PNLIPRP1: variants seen among roughly 807,000 people sequenced by gnomAD.
The protein encoded by PNLIPRP1 is pancreatic lipase related protein 1, also known as inactive pancreatic lipase-related protein 1.
Under a neutral mutation model 54.6 loss-of-function variants are expected in PNLIPRP1, and 57 were observed. The observed-to-expected ratio is 1.04, with a 90% CI of 0.84 to 1.30. PNLIPRP1 has a LOEUF of 1.30. Among genes scored for constraint, PNLIPRP1 ranks in the 50% most tolerant of loss-of-function variants. The pLI, the probability that PNLIPRP1 is intolerant of heterozygous loss-of-function variation, is 0.00. For synonymous variants in PNLIPRP1, 232 were observed against 208.8 expected (o/e 1.11, Z -0.96); for missense variants, 567 against 568.5 (o/e 1.00, Z 0.03).
At chr10:116,601,837 T>A (rs962152340) in intron 10 of PNLIPRP1, among the ~76,000 whole-genome samples, 3 of 152,254 alleles carry the variant, frequency 2.0e-5, no homozygotes, top group African/African-American at 7.2e-5. Context: ...CATATTCATA[T>A]AAATGTATAA....
chr10:116,590,959 G>A lies in PNLIPRP1; in HGVS notation c.-37G>A, dbSNP rs1847624666. ...TATTTTTAGAAAGGGCTGGACACTC[G>A]ATCCGGTGGGAGGGAACATCTGGAA... On this transcript the variant is annotated 5_prime_UTR_variant, in exon 1 of 13. Coordinates refer to ENST00000358834, the MANE Select transcript of PNLIPRP1 (RefSeq NM_006229.4). The A allele has an allele frequency of 1.0e-5, 6 of 587,510 alleles. No individual in the cohort carries two copies. Among genetic ancestry groups the A allele is most frequent in the Admixed American group, 2.9e-5 (1 of 34,748 alleles). The allele number at this position is 587,510 out of a possible 1,614,324, so 36.4% of individuals were successfully genotyped here. A position where few individuals can be genotyped will look rare whatever the true frequency, so the allele number is the denominator to read the frequency against.
At chr10:116,591,246 G>C in intron 2 of PNLIPRP1, 68 bp downstream of exon 2, 1 of 1,300,152 alleles carries the variant, frequency 7.7e-7, no homozygotes, top group South Asian at 1.2e-5. Flanking sequence ...GCCAGAGAAA[G>C]CTTTAACTGT....
intron 4 of PNLIPRP1, among the ~76,000 whole-genome samples, chr10:116,593,593 G>A (rs1554863538): frequency 2.0e-5 from 3 of 152,220 alleles, no homozygotes; most frequent in African/African-American, 7.2e-5. Context: ...TCATTAATAA[G>A]CATCTTATTG....
At position 116,592,501 on chromosome 10, in the gene PNLIPRP1, T is replaced by C. The variant is rs782035836; in HGVS notation, c.290T>C (p.Ile97Thr). 6.8e-6 allele frequency: 11 copies of C among 1,614,022 alleles called. No individual in the cohort carries two copies. The highest frequency in any genetic ancestry group is 3.3e-5 in the Admixed American group (2 of 60,002). The change falls in exon 4 of 13, where the codon ATA (isoleucine) becomes ACA (threonine). Residue 97 changes from isoleucine to threonine, a missense_variant. Physicochemically the swap from Ile to Thr is moderately conservative, Grantham distance 89. Transcript: ENST00000358834. ...RKTRFIIHGF[I>T]DKGDESWVTD... ...ACCCGGTTCATCATCCATGGCTTCATAGACAAAGGAGATGAGAGCTGGGTG... is the reference window on the plus strand; with the variant it reads ...ACCCGGTTCATCATCCATGGCTTCACAGACAAAGGAGATGAGAGCTGGGTG...
At chr10:116,594,598 T>A in intron 4 of PNLIPRP1, 132 bp from the exon 5 acceptor site, 1 of 947,312 alleles carries the variant, frequency 1.1e-6, no homozygotes, top group South Asian at 1.5e-5. Flanking sequence ...ACCAACAGGA[T>A]TCCCTAACAG....
At chr10:116,600,938 C>T (rs1847825471) in intron 9 of PNLIPRP1, 134 bp from the exon 10 acceptor site, 1 of 719,540 alleles carries the variant, frequency 1.4e-6, no homozygotes, top group African/African-American at 1.8e-5. Flanking sequence ...ATTTAGAGAT[C>T]ATCTGCTCCA....
chr10:116,597,888 C>G lies in PNLIPRP1; in HGVS notation c.635C>G (p.Ser212Cys), dbSNP rs2133232998. The G allele has an allele frequency of 6.2e-7, 1 of 1,614,238 alleles. No individual in the cohort carries two copies. Among genetic ancestry groups the G allele is most frequent in the African/African-American group, 1.3e-5 (1 of 75,068 alleles). Residue 212 changes from serine to cysteine, a missense_variant, in exon 7 of 13, where the codon TCT (serine) becomes TGT (cysteine). By Grantham distance (112) the Ser-to-Cys change is moderately radical. Coordinates refer to ENST00000358834, the MANE Select transcript of PNLIPRP1 (RefSeq NM_006229.4). ...STPEEVRLDP[S>C]DADFVDVIHT... ...CCTGAAGAGGTGCGACTTGATCCCT[C>G]TGATGCTGACTTTGTTGATGTGATT...
chr10:116,594,378 A>G (rs1258115330), intron 4 of PNLIPRP1: 1 of 519,900 alleles, frequency 1.9e-6, no homozygotes, highest in East Asian at 5.3e-5. Flanking sequence ...AAGGTCATTT[A>G]GACACTGGCC....
intron 12 of PNLIPRP1, among the ~76,000 whole-genome samples, chr10:116,606,332 T>C (rs1847936978): frequency 1.3e-5 from 2 of 152,066 alleles, no homozygotes; most frequent in Admixed American, 6.6e-5. Flanking sequence ...ACTGGATGAC[T>C]TAGTGAGGTT....
chr10:116,600,472 T>C lies in PNLIPRP1; in HGVS notation c.933+307T>C, dbSNP rs376464353. ...AATCTAGCTTAAAAATGATACAGTT[T>C]AGAAAACACAGGAATGCACATTTCT... On this transcript the variant is annotated intron_variant, in intron 9 of 12. Coordinates refer to ENST00000358834, the MANE Select transcript of PNLIPRP1 (RefSeq NM_006229.4). 7.6e-5 allele frequency: 20 copies of C among 263,536 alleles called. No homozygotes were observed. The South Asian group carries it at 1.2e-3, about 15-fold the overall frequency. 16.3% of individuals were successfully genotyped at this position (263,536 alleles called of 1,614,324 possible).
intron 4 of PNLIPRP1, among the ~76,000 whole-genome samples, chr10:116,593,350 C>T (rs1278254088): frequency 6.6e-6 from 1 of 152,062 alleles, no homozygotes; most frequent in Non-Finnish European, 1.5e-5. Context: ...CACACATGTG[C>T]GTGCAATATA....
chr10:116,598,155 G>T lies in PNLIPRP1; in HGVS notation c.803G>T (p.Gly268Val), dbSNP rs1554864238. ...CTGTCTCAGATCGTGGATCTAGATG[G>T]CATCTGGGCGGGTAAAGTCATGGTG... ...NALSQIVDLD[G>V]IWAGTRDFVA... Residue 268 changes from glycine (G) to valine (V), a missense_variant, in exon 8 of 13, where the codon GGC becomes GTC. Physicochemically the swap from Gly to Val is moderately radical, Grantham distance 109. Transcript: ENST00000358834. 4 of 1,613,578 alleles carry T rather than the reference G, an allele frequency of 2.5e-6. No homozygotes were observed. The South Asian group carries it at 3.3e-5, about 13-fold the overall frequency.
At position 116,599,909 on chromosome 10, in the gene PNLIPRP1, T is replaced by C. The variant is rs1589573498; in HGVS notation, c.815-138T>C. The stretch of plus-strand genomic sequence containing the variant: ...ACCCTCTATATGTTAATTGTCATTA[T>C]GGTGGCTGAATTTTGGATTTATCTT... On this transcript the variant is annotated intron_variant, in intron 8 of 12. Coordinates refer to ENST00000358834, the MANE Select transcript of PNLIPRP1 (RefSeq NM_006229.4). 2.5e-5 allele frequency: 17 copies of C among 686,240 alleles called. No homozygotes were observed. The East Asian group carries it at 3.5e-4, about 14-fold the overall frequency. The allele number at this position is 686,240 out of a possible 1,614,324, so 42.5% of individuals were successfully genotyped here.
intron 2 of PNLIPRP1, 144 bp downstream of exon 2, chr10:116,591,322 G>A (rs1405094534): frequency 2.3e-5 from 15 of 658,714 alleles, no homozygotes; most frequent in South Asian, 3.8e-5. Context: ...GCCTGGGAGA[G>A]TAGGCTGGGC....
chr10:116,592,552 G>C lies in PNLIPRP1; in HGVS notation c.330+11G>C. 11 of 1,614,094 alleles carry C rather than the reference G, an allele frequency of 6.8e-6. No homozygotes were observed. The highest frequency in any genetic ancestry group is 9.3e-6 in the Non-Finnish European group (11 of 1,179,992). On this transcript the variant is annotated intron_variant, in intron 4 of 12. Transcript: ENST00000358834. Reference sequence around the variant, plus strand: ...ACAGACATGTGCAAGGTAGGAGCCAGCTCTGATCCCTGTGGCCAGCTGAGG... The same window carrying C: ...ACAGACATGTGCAAGGTAGGAGCCACCTCTGATCCCTGTGGCCAGCTGAGG...
At chr10:116,596,425 C>A (rs1277400970) in intron 6 of PNLIPRP1, 103 bp downstream of exon 6, 2 of 713,654 alleles carry the variant, frequency 2.8e-6, no homozygotes, top group Non-Finnish European at 4.9e-6. Context: ...AGACTGTCCC[C>A]CTTGGCTGTG....
chr10:116,600,763 G>T (rs901568807), intron 9 of PNLIPRP1, among the ~76,000 whole-genome samples: 11 of 152,176 alleles, frequency 7.2e-5, no homozygotes, highest in Admixed American at 7.2e-4. Flanking sequence ...CTGCAATCCA[G>T]GGTTTTTGTC....
intron 12 of PNLIPRP1, among the ~76,000 whole-genome samples, chr10:116,607,260 C>G (rs1847951410): frequency 6.6e-6 from 1 of 151,804 alleles, no homozygotes; most frequent in Admixed American, 6.6e-5. Flanking sequence ...TAAATGTACC[C>G]TTGCAAATGA....
intron 12 of PNLIPRP1, among the ~76,000 whole-genome samples, chr10:116,606,351 C>G (rs1847937171): frequency 6.6e-6 from 1 of 152,122 alleles, no homozygotes; most frequent in Non-Finnish European, 1.5e-5. Flanking sequence ...TTCTCCTTAT[C>G]CCCACGAGGC....
Sources: allele counts gnomAD v4.1 joint callset (sites outside exome capture counted in the v4.1 genomes callset), GRCh38; gene constraint gnomAD v4.1.1; transcripts MANE v1.5; gene names NCBI Gene and HGNC (gene_info 2026-07-23, HGNC 2026-07-21).